Variants in ATXN10 observed in about 807,000 individuals in gnomAD.
The protein encoded by ATXN10 is ataxin 10.
A neutral mutation model predicts 52.9 loss-of-function variants in ATXN10; 28 were observed. That is an observed-to-expected ratio of 0.53 (90% CI 0.39 to 0.73). The LOEUF (loss-of-function observed/expected upper bound fraction) is 0.73. Ranked by LOEUF, ATXN10 falls within the 30% of genes least tolerant of loss-of-function variation. The pLI, the probability that ATXN10 is intolerant of heterozygous loss-of-function variation, is 0.00. For missense variants in ATXN10, 565 were observed against 577.0 expected, an observed-to-expected ratio of 0.98 and a Z score of 0.21; for synonymous variants, 226 against 221.5, an observed-to-expected ratio of 1.02 and a Z score of -0.18.
chr22:45,707,650 G>GATATAATATA lies in ATXN10; in HGVS notation c.647+4814_647+4823dup, dbSNP rs551683185. 2.9e-3 allele frequency among the ~76,000 whole-genome samples: 427 copies of GATATAATATA among 148,652 alleles called. 2 individuals are homozygous for GATATAATATA. Among genetic ancestry groups the GATATAATATA allele is most frequent in the South Asian group, 8.5e-3 (40 of 4,726 alleles). On this transcript the variant is annotated intron_variant, in intron 5 of 11. Transcript: ENST00000252934. ...AAATCTGTTTAATATAATATAATAT[G>GATATAATATA]ATATAATATAATATAATATATAAAT...
At chr22:45,720,084 T>G (rs1238162078) in intron 6 of ATXN10, among the ~76,000 whole-genome samples, 1 of 152,230 alleles carries the variant, frequency 6.6e-6, no homozygotes, top group Non-Finnish European at 1.5e-5. Flanking sequence ...TAATGTAATC[T>G]TATCTTCTAA....
At position 45,766,434 on chromosome 22, in the gene ATXN10, G is replaced by A. The variant is rs1255578495; in HGVS notation, c.1173+25896G>A. On this transcript the variant is annotated intron_variant, in intron 9 of 11. Coordinates refer to ENST00000252934, the MANE Select transcript of ATXN10 (RefSeq NM_013236.4). This position sits in a 1 kb window ranked among gnomAD's most constrained non-coding sequence, Gnocchi z 4.6. Reference sequence around the variant, plus strand: ...TTCCCCGCAACCCCTCTTCCCCCGAGTCTGTGGAAAAATTGCCTTCCATGA... The same window carrying A: ...TTCCCCGCAACCCCTCTTCCCCCGAATCTGTGGAAAAATTGCCTTCCATGA... Among the ~76,000 whole-genome samples, 2 of 152,148 alleles carry A rather than the reference G, an allele frequency of 1.3e-5. No individual in the cohort carries two copies. The highest frequency in any genetic ancestry group is 3.9e-4 in the East Asian group (2 of 5,194).
In ATXN10 at chr22:45,727,375, C is replaced by CTATCTATG. The variant is rs1292593142; in HGVS notation, c.729-2049_729-2048insATCTATGT. Among the ~76,000 whole-genome samples, 15 of 151,746 alleles carry CTATCTATG rather than the reference C, an allele frequency of 9.9e-5. No homozygotes were observed. Among genetic ancestry groups the CTATCTATG allele is most frequent in the Admixed American group, 7.2e-4 (11 of 15,214 alleles). On this transcript the variant is annotated intron_variant, in intron 6 of 11. Coordinates refer to ENST00000252934, the MANE Select transcript of ATXN10 (RefSeq NM_013236.4). The surrounding 1 kb of genome is among the most constrained non-coding windows in gnomAD (Gnocchi z 4.6). ...TCTATCTATCTATCTATCTATCTAT[C>CTATCTATG]TGAGACTGAGTCTCGCTCTGTTGCC...
In ATXN10 at chr22:45,833,874, C is replaced by T. The variant is rs1391306244; in HGVS notation, c.1238-9117C>T. 6.6e-6 allele frequency among the ~76,000 whole-genome samples: 1 copy of T among 152,166 alleles called. No individual in the cohort carries two copies. The highest frequency in any genetic ancestry group is 1.5e-5 in the Non-Finnish European group (1 of 68,030). ...CTTAGCAGCGATACGGCATCGCGAT[C>T]AGGGGAGCGGATGCCAGAGCCTGAC... On this transcript the variant is annotated intron_variant, in intron 10 of 11. Coordinates refer to ENST00000252934, the MANE Select transcript of ATXN10 (RefSeq NM_013236.4). The surrounding 1 kb of genome is among the most constrained non-coding windows in gnomAD (Gnocchi z 4.3).
In ATXN10 at chr22:45,757,329, T is replaced by C. The variant is rs1322890265; in HGVS notation, c.1173+16791T>C. On this transcript the variant is annotated intron_variant, in intron 9 of 11. Transcript: ENST00000252934. The surrounding 1 kb of genome is among the most constrained non-coding windows in gnomAD (Gnocchi z 4.6). ...ACACAAAACAAAAATGCCTCAGAGC[T>C]TCAGTGTAACTGGAGCAATACCAGC... 6.6e-6 allele frequency among the ~76,000 whole-genome samples: 1 copy of C among 152,168 alleles called. No homozygotes were observed. Among genetic ancestry groups the C allele is most frequent in the Non-Finnish European group, 1.5e-5 (1 of 68,026 alleles).
chr22:45,839,247 T>A (rs1382165021), intron 10 of ATXN10, among the ~76,000 whole-genome samples: 3 of 152,154 alleles, frequency 2.0e-5, no homozygotes, highest in African/African-American at 4.8e-5. Flanking sequence ...GACTTACATC[T>A]TTTTGCACTT....
At chr22:45,685,938 A>G (rs1923119127) in intron 1 of ATXN10, among the ~76,000 whole-genome samples, 1 of 152,250 alleles carries the variant, frequency 6.6e-6, no homozygotes, top group Admixed American at 6.5e-5. Context: ...AACTCCTCCC[A>G]GACCCTCAAG....
rs148747500 is a variant in ATXN10, at chr22:45,828,983, A to T, written c.1238-14008A>T. Among the ~76,000 whole-genome samples the T allele has an allele frequency of 2.2e-3, 330 of 152,344 alleles. 1 individual carries two copies. Among genetic ancestry groups the T allele is most frequent in the African/African-American group, 7.6e-3 (318 of 41,584 alleles). On this transcript the variant is annotated intron_variant, in intron 10 of 11. Transcript: ENST00000252934. The surrounding 1 kb of genome is among the most constrained non-coding windows in gnomAD (Gnocchi z 4.5). ...AGAAAACTAAAGACCAACATCCTTT[A>T]TGAACATGAATTTAACAGCATACTA...
chr22:45,672,122 TC>T lies in ATXN10; in HGVS notation c.61del (p.Gln21LysfsTer34). Reference protein sequence around the residue: ...RLSGVMVPAPIQDLEALRALT... With the variant: ...RLSGVMVPAPXQDLEALRALT... Reference sequence around the variant, plus strand: ...TCGGGCGTCATGGTGCCGGCGCCCATCCAAGACCTGGAGGCCCTGCGCGCGC... The same window carrying T: ...TCGGGCGTCATGGTGCCGGCGCCCATCAAGACCTGGAGGCCCTGCGCGCGC... On this transcript the variant is annotated frameshift_variant, in exon 1 of 12. Coordinates refer to ENST00000252934, the MANE Select transcript of ATXN10 (RefSeq NM_013236.4). LOFTEE classifies it high-confidence loss of function. 6.5e-7 allele frequency: 1 copy of T among 1,539,968 alleles called. No individual in the cohort carries two copies.
rs768138601 is a variant in ATXN10, at chr22:45,795,656, A to G, written c.1174-11303A>G. ...GGACTGGCTGAAGCCATGGCAGAAG[A>G]ACATAAATTGTTAAGATTTCATGGA... On this transcript the variant is annotated intron_variant, in intron 9 of 11. Transcript: ENST00000252934. The surrounding 1 kb of genome is among the most constrained non-coding windows in gnomAD (Gnocchi z 4.6). 9.2e-5 allele frequency among the ~76,000 whole-genome samples: 14 copies of G among 152,164 alleles called. No homozygotes were observed. Among genetic ancestry groups the G allele is most frequent in the Non-Finnish European group, 5.9e-5 (4 of 68,020 alleles).
At position 45,681,141 on chromosome 22, in the gene ATXN10, T is replaced by G; in HGVS notation, c.117-8571T>G. ...TCAGTCTGCCTCATTCCTTGAAGAG[T>G]TTAGCCCTGGCTCACTTTTCACTCT... On this transcript the variant is annotated intron_variant, in intron 1 of 11. Coordinates refer to ENST00000252934, the MANE Select transcript of ATXN10 (RefSeq NM_013236.4). The surrounding 1 kb of genome is among the most constrained non-coding windows in gnomAD (Gnocchi z 4.2). Among the ~76,000 whole-genome samples, 1 of 152,084 alleles carries G rather than the reference T, an allele frequency of 6.6e-6. No homozygotes were observed. Among genetic ancestry groups the G allele is most frequent in the Non-Finnish European group, 1.5e-5 (1 of 68,036 alleles).
chr22:45,702,617 G>C (rs1245915314), intron 4 of ATXN10, 72 bp from the exon 5 acceptor site: 3 of 1,417,834 alleles, frequency 2.1e-6, no homozygotes, highest in East Asian at 4.6e-5. Context: ...ATTTGACAAT[G>C]GTATTACTGT....
chr22:45,779,921 ATC>A (rs986672785), intron 9 of ATXN10, among the ~76,000 whole-genome samples: 4 of 152,368 alleles, frequency 2.6e-5, no homozygotes, highest in African/African-American at 9.6e-5. Context: ...TGAAAAAAAA[ATC>A]TCTGATTGAT....
At chr22:45,687,785 G>A (rs377578979) in intron 1 of ATXN10, among the ~76,000 whole-genome samples, 1 of 152,204 alleles carries the variant, frequency 6.6e-6, no homozygotes, top group Non-Finnish European at 1.5e-5. Flanking sequence ...AATCGGCCAG[G>A]TGCAGTGGCT....
chr22:45,773,583 T>G (rs1404728786), intron 9 of ATXN10, among the ~76,000 whole-genome samples: 1 of 152,036 alleles, frequency 6.6e-6, no homozygotes, highest in Non-Finnish European at 1.5e-5. Context: ...CTCAGCCTCC[T>G]GAGTAACTGG....
intron 9 of ATXN10, among the ~76,000 whole-genome samples, chr22:45,751,754 ATAAAAAAAAAAT>A (rs575263504): frequency 0.36 from 35,295 of 98,176 alleles, 5,135 homozygotes; most frequent in Admixed American, 0.44. Flanking sequence ...AAAAAAAAAA[ATAAAAAAAAAAT>A]AATAATAATA....
chr22:45,741,692 A>G (rs1925542393), intron 9 of ATXN10, among the ~76,000 whole-genome samples: 1 of 152,186 alleles, frequency 6.6e-6, no homozygotes, highest in African/African-American at 2.4e-5. Context: ...AAAAATAGAA[A>G]AAAAAAATAA....
intron 5 of ATXN10, among the ~76,000 whole-genome samples, chr22:45,704,345 T>G (rs1222576903): frequency 6.6e-6 from 1 of 151,986 alleles, no homozygotes; most frequent in Non-Finnish European, 1.5e-5. Flanking sequence ...TGATAAGAAT[T>G]ACATGAATCT....
At chr22:45,697,828 C>T (rs1321403125) in intron 3 of ATXN10, among the ~76,000 whole-genome samples, 1 of 152,060 alleles carries the variant, frequency 6.6e-6, no homozygotes, top group Non-Finnish European at 1.5e-5. Context: ...GACGGGGTTT[C>T]ACCGTGTTAG....
Sources: allele counts gnomAD v4.1 joint callset (sites outside exome capture counted in the v4.1 genomes callset), GRCh38; gene constraint gnomAD v4.1.1; non-coding constraint Gnocchi (gnomAD v3.1); transcripts MANE v1.5; gene names NCBI Gene and HGNC (gene_info 2026-07-23, HGNC 2026-07-21).